Variants in SP140 observed in about 807,000 individuals in gnomAD.
SP140 encodes SP140 nuclear body protein, also known as nuclear body protein SP140.
A neutral mutation model predicts 125.0 loss-of-function variants in SP140; 81 were observed. The observed-to-expected ratio is 0.65, with a 90% CI of 0.54 to 0.78. The LOEUF (loss-of-function observed/expected upper bound fraction) is 0.78. Ranked by LOEUF, SP140 falls within the 30% of genes least tolerant of loss-of-function variation. SP140 has a pLI of 0.00. For synonymous variants in SP140, 312 were observed against 354.0 expected (o/e 0.88, Z 1.33); for missense variants, 858 against 1,037.0 (o/e 0.83, Z 2.37).
intron 1 of SP140, chr2:230,212,485 G>C: frequency 7.2e-7 from 1 of 1,387,490 alleles, no homozygotes; most frequent in South Asian, 1.2e-5. Flanking sequence ...TCAGGGAGAA[G>C]AGTGAATGTT....
At chr2:230,309,791 C>T (rs1388611078) in intron 22 of SP140, 133 bp from the exon 23 acceptor site, 1 of 830,564 alleles carries the variant, frequency 1.2e-6, no homozygotes, top group Non-Finnish European at 1.9e-6. Context: ...CATGTTTTTC[C>T]TTCATATCCC....
At chr2:230,188,876 C>G in the SP140 span, among the ~76,000 whole-genome samples, 3 of 151,756 alleles carry the variant, frequency 2.0e-5, no homozygotes, top group South Asian at 6.2e-4. Context: ...TGGATTCAAT[C>G]TCACTGTTTG....
At chr2:230,313,548 T>C (rs1158305446), downstream of SP140, among the ~76,000 whole-genome samples, 6 of 152,230 alleles carry the variant, frequency 3.9e-5, no homozygotes, top group Non-Finnish European at 8.8e-5. Context: ...TCTCCAGCTG[T>C]GGCCACACCC....
chr2:230,208,358 A>G (rs2044105509), intron 1 of SP140, among the ~76,000 whole-genome samples: 1 of 152,214 alleles, frequency 6.6e-6, no homozygotes, highest in South Asian at 2.1e-4. Context: ...AAGAAAAAGC[A>G]TTTTTTAATG....
intron 10 of SP140, among the ~76,000 whole-genome samples, chr2:230,251,887 C>A (rs1407108978): frequency 1.3e-5 from 2 of 151,980 alleles, no homozygotes; most frequent in African/African-American, 4.8e-5. Context: ...ACATGTGACA[C>A]CGGTGTTTGT....
At chr2:230,221,834 G>A (rs1470848680), upstream of SP140, 4 of 1,043,572 alleles carry the variant, frequency 3.8e-6, no homozygotes, top group Non-Finnish European at 5.6e-6. Flanking sequence ...CAAAAGTAAA[G>A]CAGGAGTGGG....
chr2:230,200,970 A>G (rs774279478), upstream of SP140: 3 of 1,609,366 alleles, frequency 1.9e-6, no homozygotes, highest in African/African-American at 2.7e-5. Flanking sequence ...TGATCTCTGG[A>G]AAATGAAAGA....
At chr2:230,208,114 A>T (rs749672134) in intron 1 of SP140, 8 of 993,378 alleles carry the variant, frequency 8.1e-6, no homozygotes, top group Non-Finnish European at 1.3e-5. Flanking sequence ...CCAATCTTGT[A>T]TGTCAATGAT....
At chr2:230,255,387 T>G (rs1439890540) in intron 11 of SP140, 65 bp from the exon 12 acceptor site, 2 of 1,577,380 alleles carry the variant, frequency 1.3e-6, no homozygotes, top group African/African-American at 2.7e-5. Context: ...TCACTAAGTT[T>G]TCTCTTCATG....
intron 15 of SP140, among the ~76,000 whole-genome samples, chr2:230,279,505 A>G (rs896747881): frequency 2.6e-5 from 4 of 152,178 alleles, no homozygotes; most frequent in Admixed American, 2.6e-4. Context: ...CCCAGAAATA[A>G]ACACTCATGC....
At chr2:230,249,933 G>T (rs576418115) in intron 9 of SP140, among the ~76,000 whole-genome samples, 14 of 152,310 alleles carry the variant, frequency 9.2e-5, no homozygotes, top group African/African-American at 2.9e-4. Flanking sequence ...AGTCTCATCT[G>T]CTCAGGTAGT....
chr2:230,305,015 G>A (rs2149576723), intron 22 of SP140, among the ~76,000 whole-genome samples: 1 of 152,272 alleles, frequency 6.6e-6, no homozygotes, highest in Non-Finnish European at 1.5e-5. Flanking sequence ...ATCCGACGGA[G>A]GACTAATATC....
At chr2:230,275,884 CA>C (rs1486277254) in intron 15 of SP140, among the ~76,000 whole-genome samples, 4 of 152,058 alleles carry the variant, frequency 2.6e-5, no homozygotes, top group Non-Finnish European at 5.9e-5. Flanking sequence ...ATAGAAGATC[CA>C]ACCAGCCACA....
upstream of SP140, among the ~76,000 whole-genome samples, chr2:230,223,317 G>A (rs1238885325): frequency 1.3e-5 from 2 of 152,192 alleles, no homozygotes; most frequent in African/African-American, 4.8e-5. Context: ...TTATAGGCAT[G>A]AGCCACCATG....
At chr2:230,277,993 A>C (rs1479371326) in intron 15 of SP140, among the ~76,000 whole-genome samples, 1 of 152,124 alleles carries the variant, frequency 6.6e-6, no homozygotes, top group African/African-American at 2.4e-5. Flanking sequence ...CTATAAATTC[A>C]TACCCCAAAG....
chr2:230,285,868 C>A, intron 17 of SP140, 36 bp downstream of exon 17: 1 of 1,482,218 alleles, frequency 6.7e-7, no homozygotes, highest in Non-Finnish European at 9.4e-7. Context: ...CTTTGCCCTA[C>A]AGGTCAATAC....
chr2:230,290,280 G>T (rs553243806), intron 18 of SP140, among the ~76,000 whole-genome samples, 180 bp from the exon 19 acceptor site: 39 of 152,248 alleles, frequency 2.6e-4, no homozygotes, highest in Non-Finnish European at 4.0e-4. Flanking sequence ...GGTGAAATTG[G>T]GGTAGACATT....
the SP140 span, among the ~76,000 whole-genome samples, chr2:230,188,992 T>C: frequency 6.6e-6 from 1 of 152,186 alleles, no homozygotes; most frequent in Non-Finnish European, 1.5e-5. Flanking sequence ...TTTTTGTGCA[T>C]AGAGGTGTTC....
At chr2:230,272,113 A>G (rs1005972419) in intron 15 of SP140, among the ~76,000 whole-genome samples, 2 of 152,344 alleles carry the variant, frequency 1.3e-5, no homozygotes, top group African/African-American at 4.8e-5. Context: ...AGGAAGAATC[A>G]ATATCATTTT....
Sources: gnomAD v4.1 joint callset for allele counts (sites outside exome capture counted in the v4.1 genomes callset) on GRCh38, gnomAD v4.1.1 for gene constraint, MANE v1.5 for transcripts, NCBI Gene and HGNC (gene_info 2026-07-23, HGNC 2026-07-21) for gene names.